Variants in CSE1L observed in about 807,000 individuals in gnomAD.
CSE1L encodes exportin-2.
A neutral mutation model predicts 120.4 loss-of-function variants in CSE1L; 24 were observed. That is an observed-to-expected ratio of 0.20 (90% confidence interval 0.14 to 0.28). CSE1L has a LOEUF of 0.28. Among genes scored for constraint, CSE1L ranks in the 10% least tolerant of loss-of-function variants. The pLI is 1.00. For synonymous variants in CSE1L, 402 were observed against 398.3 expected (o/e 1.01, Z -0.11); for missense variants, 830 against 1,145.2 (o/e 0.72, Z 3.97).
At chr20:49,069,026 C>G (rs1222314677) in intron 7 of CSE1L, among the ~76,000 whole-genome samples, 1 of 152,080 alleles carries the variant, frequency 6.6e-6, no homozygotes, top group Non-Finnish European at 1.5e-5. Flanking sequence ...GCAGTATTCT[C>G]TTATATCTAG....
At chr20:49,088,166 C>A in intron 17 of CSE1L, 60 bp downstream of exon 17, 1 of 1,146,744 alleles carries the variant, frequency 8.7e-7, no homozygotes, top group East Asian at 2.4e-5. Context: ...CTGTTTGGGC[C>A]TCAGAACTCT....
At position 49,065,312 on chromosome 20, in the gene CSE1L, A is replaced by ATTTT. The variant is rs1568769017; in HGVS notation, c.229-880_229-879insTTTT. Among the ~76,000 whole-genome samples the ATTTT allele has an allele frequency of 3.7e-3, 290 of 79,342 alleles. 3 individuals carry two copies. Among genetic ancestry groups the ATTTT allele is most frequent in the African/African-American group, 0.013 (252 of 19,322 alleles). The allele number at this position is 79,342 out of a possible 152,430, so 52.1% of individuals were successfully genotyped here. A position where few individuals can be genotyped will look rare whatever the true frequency, so the allele number is the denominator to read the frequency against. ...TAGTTTACATATGAAATGAAAAAAA[A>ATTTT]ATTTTTTTTTTTTTTTTTTTTTTTT... On this transcript the variant is annotated intron_variant, in intron 3 of 24. Transcript: ENST00000262982.
At chr20:49,077,150 G>GTTATTT in intron 13 of CSE1L, 86 bp downstream of exon 13, 2 of 407,836 alleles carry the variant, frequency 4.9e-6, no homozygotes, top group Non-Finnish European at 7.6e-6. Flanking sequence ...GTTCCCTTTT[G>GTTATTT]TTCTTTTTTT....
chr20:49,095,407 C>G (rs1252920082), intron 24 of CSE1L, among the ~76,000 whole-genome samples: 1 of 152,038 alleles, frequency 6.6e-6, no homozygotes, highest in Non-Finnish European at 1.5e-5. Flanking sequence ...TCACTGCAGC[C>G]TCAACCTCCC....
At chr20:49,090,511 G>A (rs926023605) in intron 19 of CSE1L, among the ~76,000 whole-genome samples, 2 of 151,984 alleles carry the variant, frequency 1.3e-5, no homozygotes, top group Non-Finnish European at 2.9e-5. Flanking sequence ...AGCCAAGATC[G>A]CCCCATTGCA....
At chr20:49,049,357 T>A (rs2091747525) in intron 1 of CSE1L, among the ~76,000 whole-genome samples, 1 of 149,396 alleles carries the variant, frequency 6.7e-6, no homozygotes, top group Admixed American at 6.7e-5. Flanking sequence ...CTAATTTTTA[T>A]TTTTTTTTTG....
At chr20:49,086,500 G>C (rs2092059259) in intron 16 of CSE1L, among the ~76,000 whole-genome samples, 2 of 151,176 alleles carry the variant, frequency 1.3e-5, no homozygotes, top group Admixed American at 1.3e-4. Context: ...CGAGTAGCTA[G>C]GATTACAGGC....
intron 24 of CSE1L, 157 bp from the exon 25 acceptor site, chr20:49,096,192 A>G: frequency 1.4e-6 from 1 of 714,866 alleles, no homozygotes; most frequent in Non-Finnish European, 2.6e-6. Flanking sequence ...TTTTGAAGGC[A>G]TAAAAGCAGT....
chr20:49,051,414 G>A (rs377564279), intron 1 of CSE1L, among the ~76,000 whole-genome samples: 9 of 152,288 alleles, frequency 5.9e-5, no homozygotes, highest in East Asian at 3.9e-4. Context: ...GTGGTGGCAC[G>A]CACCTGTAGT....
chr20:49,055,325 G>A (rs894881984), intron 1 of CSE1L, among the ~76,000 whole-genome samples: 4 of 152,038 alleles, frequency 2.6e-5, no homozygotes, highest in South Asian at 4.2e-4. Flanking sequence ...AGGGTATATA[G>A]GCCTGTACTT....
chr20:49,087,889 G>C (rs1183418765), intron 16 of CSE1L, 120 bp from the exon 17 acceptor site: 2 of 612,664 alleles, frequency 3.3e-6, no homozygotes, highest in Non-Finnish European at 5.6e-6. Flanking sequence ...GCTATCTCGG[G>C]GTTGTCTAAG....
At chr20:49,063,408 T>G (rs939318106) in intron 3 of CSE1L, 64 bp downstream of exon 3, 7 of 1,119,920 alleles carry the variant, frequency 6.3e-6, no homozygotes, top group Non-Finnish European at 8.6e-6. Flanking sequence ...ATAAGCAGTG[T>G]TCTTCAAAGA....
In CSE1L at chr20:49,086,343, A is replaced by G. The variant is rs141927920; in HGVS notation, c.1723+957A>G. On this transcript the variant is annotated intron_variant, in intron 16 of 24. Transcript: ENST00000262982. ...AACAATGATGTATAATTGTGTAATT[A>G]TTGTTGTTTAATGTCCTTTTTTTTT... Among the ~76,000 whole-genome samples the G allele has an allele frequency of 6.1e-3, 678 of 111,158 alleles. 3 individuals are homozygous for G. Among genetic ancestry groups the G allele is most frequent in the African/African-American group, 0.024 (641 of 27,098 alleles). 72.9% of individuals were successfully genotyped at this position (111,158 alleles called of 152,430 possible).
intron 24 of CSE1L, 82 bp downstream of exon 24, chr20:49,095,045 T>C (rs1260806809): frequency 9.5e-7 from 1 of 1,056,406 alleles, no homozygotes; most frequent in African/African-American, 1.6e-5. Context: ...CTGGTGTCTG[T>C]TTTCATTGGT....
chr20:49,067,873 C>A (rs147765273), intron 6 of CSE1L, among the ~76,000 whole-genome samples: 9 of 149,698 alleles, frequency 6.0e-5, no homozygotes, highest in African/African-American at 2.0e-4. Flanking sequence ...GTAGCTGGGA[C>A]TACAGGTGCA....
chr20:49,076,935 T>C (rs779483583), intron 12 of CSE1L, 45 bp from the exon 13 acceptor site: 2 of 1,236,260 alleles, frequency 1.6e-6, no homozygotes, highest in Admixed American at 4.3e-5. Context: ...GATAGATATA[T>C]ACAGGTATTT....
In CSE1L at chr20:49,089,566, G is replaced by A. The variant is rs749399771; in HGVS notation, c.2001G>A (p.Met667Ile). Residue 667 changes from methionine to isoleucine, a missense_variant, in exon 19 of 25, where the codon ATG becomes ATA. By Grantham distance (10) the Met-to-Ile change is conservative. Coordinates refer to ENST00000262982, the MANE Select transcript of CSE1L (RefSeq NM_001316.4). ...QEFIPYVFQV[M>I]SLLLETHKND... ...TTATTCCATACGTCTTTCAAGTGAT[G>A]TCTTTGCTTCTGGAAACACACAAAA... 6.2e-7 allele frequency: 1 copy of A among 1,614,110 alleles called. No homozygotes were observed. Among genetic ancestry groups the A allele is most frequent in the Non-Finnish European group, 8.5e-7 (1 of 1,180,008 alleles).
intron 16 of CSE1L, among the ~76,000 whole-genome samples, chr20:49,085,733 G>A (rs772695924): frequency 1.5e-4 from 23 of 151,264 alleles, no homozygotes; most frequent in Non-Finnish European, 3.2e-4. Context: ...CACCATGCCC[G>A]GTTAATTTTT....
intron 1 of CSE1L, among the ~76,000 whole-genome samples, chr20:49,055,541 A>AC (rs926290569): frequency 6.6e-6 from 1 of 151,860 alleles, no homozygotes; most frequent in Non-Finnish European, 1.5e-5. Flanking sequence ...ATATGGTGAA[A>AC]CCCCATCTCT....
Sources: allele counts gnomAD v4.1 joint callset (sites outside exome capture counted in the v4.1 genomes callset), GRCh38; gene constraint gnomAD v4.1.1; transcripts MANE v1.5; gene names NCBI Gene and HGNC (gene_info 2026-07-23, HGNC 2026-07-21).